Variants in USH2A observed in about 807,000 individuals in gnomAD.
USH2A encodes usherin.
USH2A carries 443 observed loss-of-function variants against 538.9 expected under a neutral mutation model. The observed-to-expected ratio is 0.82, with a 90% CI of 0.76 to 0.89. The LOEUF (loss-of-function observed/expected upper bound fraction) is 0.89. Among genes scored for constraint, USH2A ranks in the 40% least tolerant of loss-of-function variants. USH2A has a pLI of 0.00. For synonymous variants in USH2A, 2,413 were observed against 2,273.5 expected (o/e 1.06, Z -1.75); for missense variants, 6,633 against 6,324.8 (o/e 1.05, Z -1.65).
chr1:216,016,675 A>G (rs1668719742), intron 32 of USH2A, among the ~76,000 whole-genome samples: 1 of 152,124 alleles, frequency 6.6e-6, no homozygotes, highest in African/African-American at 2.4e-5. Context: ...GAGAACAAGG[A>G]TGTATCTTAT....
At position 215,999,033 on chromosome 1, in the gene USH2A, C is replaced by T. The variant is rs1668203744; in HGVS notation, c.6511G>A (p.Gly2171Arg). ...TATAATACATAGCGTTCCAGAATCC[C>T]ACTTATTTTTCTTGGTTGTTTCCAC... ...IQWKQPRKISGILERYVLYMS... is the reference protein window; with the variant it reads ...IQWKQPRKISRILERYVLYMS... The change falls in exon 34 of 72, where the codon GGG becomes AGG. Residue 2171 changes from glycine to arginine, a missense_variant. Physicochemically the swap from Gly to Arg is moderately radical, Grantham distance 125. Transcript: ENST00000307340. The T allele has an allele frequency of 6.2e-7, 1 of 1,612,226 alleles. No individual in the cohort carries two copies. The highest frequency in any genetic ancestry group is 8.5e-7 in the Non-Finnish European group (1 of 1,178,834).
intron 61 of USH2A, among the ~76,000 whole-genome samples, chr1:215,707,171 C>A (rs1472775022): frequency 2.0e-5 from 3 of 152,100 alleles, no homozygotes; most frequent in Non-Finnish European, 4.4e-5. Flanking sequence ...ATTAATTGTT[C>A]TACAATCTAT....
At chr1:215,974,180 G>GT (rs1667565208) in intron 35 of USH2A, among the ~76,000 whole-genome samples, 1 of 151,880 alleles carries the variant, frequency 6.6e-6, no homozygotes, top group South Asian at 2.1e-4. Context: ...TTAATAAGCG[G>GT]TAAGTCTAAA....
At chr1:215,871,118 T>C (rs1313997797) in intron 43 of USH2A, among the ~76,000 whole-genome samples, 1 of 152,210 alleles carries the variant, frequency 6.6e-6, no homozygotes, top group Non-Finnish European at 1.5e-5. Flanking sequence ...ACTTGGACTA[T>C]TACAATAGTT....
At chr1:216,118,547 G>T (rs1051837260) in intron 21 of USH2A, among the ~76,000 whole-genome samples, 3 of 152,126 alleles carry the variant, frequency 2.0e-5, no homozygotes, top group Non-Finnish European at 4.4e-5. Context: ...CTCTATTCAA[G>T]AAATGTATAT....
At chr1:215,895,928 C>G (rs1459534597) in intron 40 of USH2A, among the ~76,000 whole-genome samples, 2 of 152,142 alleles carry the variant, frequency 1.3e-5, no homozygotes, top group Non-Finnish European at 2.9e-5. Context: ...TGTTACTGTA[C>G]TGAATACTGT....
At chr1:215,753,015 C>G (rs1380493376) in intron 58 of USH2A, among the ~76,000 whole-genome samples, 3 of 152,158 alleles carry the variant, frequency 2.0e-5, no homozygotes, top group African/African-American at 7.2e-5. Flanking sequence ...TGAACAGACA[C>G]TTCTCAAAAG....
chr1:216,422,650 C>G, intron 1 of USH2A, 110 bp from the exon 2 acceptor site: 2 of 319,864 alleles, frequency 6.3e-6, no homozygotes, highest in Non-Finnish European at 5.9e-6. Flanking sequence ...TACTGAACTT[C>G]TCAAAAAACA....
intron 4 of USH2A, among the ~76,000 whole-genome samples, chr1:216,332,487 T>C (rs1311904276): frequency 1.3e-5 from 2 of 152,080 alleles, no homozygotes; most frequent in Non-Finnish European, 2.9e-5. Context: ...AAAGGCTAAG[T>C]ATGTGCTCAG....
intron 16 of USH2A, among the ~76,000 whole-genome samples, chr1:216,201,113 C>G (rs1394198215): frequency 6.7e-6 from 1 of 149,784 alleles, no homozygotes; most frequent in African/African-American, 2.5e-5. Context: ...ACTGAAACAG[C>G]AACAATGTTT....
intron 13 of USH2A, among the ~76,000 whole-genome samples, chr1:216,233,025 T>G (rs2035732212): frequency 1.3e-5 from 2 of 152,202 alleles, no homozygotes; most frequent in Admixed American, 6.5e-5. Context: ...GCATCCCTCT[T>G]GTCCTGTTCC....
chr1:216,265,485 C>A (rs945187302), intron 11 of USH2A, among the ~76,000 whole-genome samples: 4 of 151,936 alleles, frequency 2.6e-5, no homozygotes, highest in African/African-American at 9.7e-5. Context: ...TTCAGCAATC[C>A]CACTACTGGG....
chr1:215,659,441 T>C (rs1021639390), intron 64 of USH2A, among the ~76,000 whole-genome samples: 1 of 152,174 alleles, frequency 6.6e-6, no homozygotes, highest in Non-Finnish European at 1.5e-5. Flanking sequence ...AGAGAGGAGT[T>C]TGCATCTTAT....
chr1:215,649,280 T>G (rs761495635), intron 65 of USH2A, among the ~76,000 whole-genome samples: 3 of 152,216 alleles, frequency 2.0e-5, no homozygotes, highest in Non-Finnish European at 4.4e-5. Flanking sequence ...AGTCTATCTC[T>G]TCCTCTGAGG....
intron 37 of USH2A, among the ~76,000 whole-genome samples, chr1:215,954,084 G>A (rs1328794574): frequency 1.3e-5 from 2 of 152,144 alleles, no homozygotes; most frequent in Non-Finnish European, 1.5e-5. Context: ...GAGAGGATGT[G>A]GAGAAATAGG....
intron 9 of USH2A, among the ~76,000 whole-genome samples, chr1:216,294,194 C>T (rs1345709822): frequency 6.6e-6 from 1 of 151,918 alleles, no homozygotes; most frequent in Non-Finnish European, 1.5e-5. Context: ...ATTTAAATAA[C>T]AATTCAACTG....
At chr1:216,077,676 A>T (rs921735980) in intron 27 of USH2A, among the ~76,000 whole-genome samples, 13 of 149,256 alleles carry the variant, frequency 8.7e-5, no homozygotes, top group African/African-American at 3.2e-4. Context: ...ATAAATTACT[A>T]ATTTTTCCAT....
Position 216,251,176 on chromosome 1 carries a change from G to A in USH2A, c.1972-78C>T, listed in dbSNP as rs2036154749. On this transcript the variant is annotated intron_variant, in intron 11 of 71. Transcript: ENST00000307340. ...ATTTGCTCATTAGGTACAAGACAGG[G>A]AGGGAGGGAGAAGAAAACTAAATGT... 5 of 1,425,546 alleles carry A rather than the reference G, an allele frequency of 3.5e-6. No individual in the cohort carries two copies. In the Middle Eastern group the frequency reaches 9.5e-4, roughly 272 times the overall value. 88.3% of individuals were successfully genotyped at this position (1,425,546 alleles called of 1,614,324 possible).
At chr1:216,366,904 G>A (rs996891619) in intron 3 of USH2A, among the ~76,000 whole-genome samples, 1 of 151,948 alleles carries the variant, frequency 6.6e-6, no homozygotes, top group Non-Finnish European at 1.5e-5. Context: ...CTGTCATTTG[G>A]TGTTTGACTG....
Sources: gnomAD v4.1 joint callset for allele counts (sites outside exome capture counted in the v4.1 genomes callset) on GRCh38, gnomAD v4.1.1 for gene constraint, MANE v1.5 for transcripts, NCBI Gene and HGNC (gene_info 2026-07-23, HGNC 2026-07-21) for gene names.